TM9SF2: variants seen among roughly 807,000 people sequenced by gnomAD.
TM9SF2 encodes 76 kDa membrane protein.
Under a neutral mutation model 84.9 loss-of-function variants are expected in TM9SF2, and 13 were observed. The ratio of observed to expected loss-of-function variants is 0.15; its 90% CI spans 0.10 to 0.24. The LOEUF is 0.24. Ranked by LOEUF, TM9SF2 falls within the 10% of genes least tolerant of loss-of-function variation. The probability of loss-of-function intolerance (pLI) is 1.00; values close to 1 mark genes in which losing one functional copy is unlikely to be tolerated. For synonymous variants in TM9SF2, 273 were observed against 285.8 expected, an observed-to-expected ratio of 0.96 and a Z score of 0.45; for missense variants, 562 against 818.5, an observed-to-expected ratio of 0.69 and a Z score of 3.82.
chr13:99,508,404 AACAC>A (rs61561266), intron 1 of TM9SF2, among the ~76,000 whole-genome samples: 12,436 of 134,418 alleles, frequency 0.093, 724 homozygotes, highest in Admixed American at 0.15. Flanking sequence ...AGGCAAACAA[AACAC>A]ACACACACAC....
intron 2 of TM9SF2, among the ~76,000 whole-genome samples, chr13:99,518,046 A>T (rs1161734669): frequency 6.6e-6 from 1 of 152,222 alleles, no homozygotes; most frequent in African/African-American, 2.4e-5. Context: ...CTGAATAAAT[A>T]GTCTAATCTA....
At chr13:99,522,125 A>G (rs1317071781) in intron 3 of TM9SF2, among the ~76,000 whole-genome samples, 3 of 152,088 alleles carry the variant, frequency 2.0e-5, no homozygotes, top group Non-Finnish European at 2.9e-5. Flanking sequence ...GGTTCAAGTG[A>G]TTCTCCTGCC....
intron 2 of TM9SF2, among the ~76,000 whole-genome samples, chr13:99,518,763 ATTTTT>A (rs34847688): frequency 1.5e-4 from 19 of 128,628 alleles, no homozygotes; most frequent in African/African-American, 4.9e-4. Context: ...TGCCCAGCTA[ATTTTT>A]TTTTTTTTTT....
At chr13:99,520,210 C>T (rs2046153411) in intron 3 of TM9SF2, 81 bp downstream of exon 3, 2 of 1,187,312 alleles carry the variant, frequency 1.7e-6, no homozygotes, top group East Asian at 5.0e-5. Flanking sequence ...GATAACTCAG[C>T]TATCATTGCT....
intron 4 of TM9SF2, among the ~76,000 whole-genome samples, chr13:99,530,010 T>TA (rs1193675539): frequency 6.6e-6 from 1 of 152,118 alleles, no homozygotes; most frequent in Non-Finnish European, 1.5e-5. Context: ...TATAGTCTAT[T>TA]AAGTGTGCAA....
rs1347767986 is a variant in TM9SF2 at position 99,516,679 on chromosome 13, C to T, written c.172-935C>T. On this transcript the variant is annotated intron_variant, in intron 1 of 16. Transcript: ENST00000376387. The stretch of plus-strand genomic sequence containing the variant: ...GGAAGTTGATACAGCTTATCTCCCT[C>T]TACCCTGTTGTTGAGCTTGATCTGG... Among the ~76,000 whole-genome samples the T allele has an allele frequency of 2.6e-5, 4 of 152,210 alleles. No individual in the cohort carries two copies. The East Asian group carries it at 7.7e-4, about 29-fold the overall frequency.
intron 4 of TM9SF2, among the ~76,000 whole-genome samples, chr13:99,535,747 A>G (rs1441307879): frequency 6.6e-6 from 1 of 152,170 alleles, no homozygotes; most frequent in African/African-American, 2.4e-5. Flanking sequence ...GTGTCGTCTT[A>G]TGACTGTAAT....
At chr13:99,506,734 A>G (rs1272024128) in intron 1 of TM9SF2, among the ~76,000 whole-genome samples, 1 of 152,162 alleles carries the variant, frequency 6.6e-6, no homozygotes, top group East Asian at 1.9e-4. Context: ...TCACAGATAT[A>G]TGTTCCACAC....
chr13:99,511,382 G>A (rs1191989384), intron 1 of TM9SF2, among the ~76,000 whole-genome samples: 2 of 152,092 alleles, frequency 1.3e-5, no homozygotes, highest in South Asian at 2.1e-4. Context: ...TAAACTCCCC[G>A]GCAGTCTCAT....
At chr13:99,510,153 A>G (rs545971185) in intron 1 of TM9SF2, among the ~76,000 whole-genome samples, 3 of 152,304 alleles carry the variant, frequency 2.0e-5, no homozygotes, top group African/African-American at 7.2e-5. Context: ...AGTTCCCAGT[A>G]ACCTTCTCAT....
In TM9SF2 at chr13:99,547,028, G is replaced by A. The variant is rs770937033; in HGVS notation, c.1194G>A (p.Ala398=). 6 of 1,614,164 alleles carry A rather than the reference G, an allele frequency of 3.7e-6. No homozygotes were observed. The highest frequency in any genetic ancestry group is 2.2e-5 in the East Asian group (1 of 44,890). The part of the protein sequence containing the change: ...LGFLSPANRG[A]LMTCAVVLWV... ...TTTTGTCACCTGCCAACCGAGGAGCGCTGATGACGTGTGCTGTGGTCCTGT... is the reference window on the plus strand; with the variant it reads ...TTTTGTCACCTGCCAACCGAGGAGCACTGATGACGTGTGCTGTGGTCCTGT... The change falls in exon 11 of 17, where the codon GCG becomes GCA. Residue 398 remains alanine (A), a synonymous_variant. Coordinates refer to ENST00000376387, the MANE Select transcript of TM9SF2 (RefSeq NM_004800.3).
At chr13:99,516,377 A>G (rs931289431) in intron 1 of TM9SF2, among the ~76,000 whole-genome samples, 2 of 152,220 alleles carry the variant, frequency 1.3e-5, no homozygotes, top group Admixed American at 1.3e-4. Flanking sequence ...AAGCCTCATG[A>G]CTAGTCCAAA....
chr13:99,552,596 C>G, intron 13 of TM9SF2, among the ~76,000 whole-genome samples: 1 of 151,720 alleles, frequency 6.6e-6, no homozygotes, highest in South Asian at 2.1e-4. Flanking sequence ...TGAAAACATT[C>G]ATTCATTCAT....
intron 1 of TM9SF2, among the ~76,000 whole-genome samples, chr13:99,506,716 G>A (rs755361388): frequency 1.3e-5 from 2 of 152,150 alleles, no homozygotes; most frequent in African/African-American, 2.4e-5. Flanking sequence ...TGGAACGTCT[G>A]AAACAAATCA....
chr13:99,522,424 T>C (rs1020084435), intron 3 of TM9SF2, among the ~76,000 whole-genome samples: 3 of 152,170 alleles, frequency 2.0e-5, no homozygotes, highest in African/African-American at 4.8e-5. Context: ...ATGAAGTCAT[T>C]GAGGAGGAAG....
At chr13:99,508,444 C>CACA (rs1555339315) in intron 1 of TM9SF2, among the ~76,000 whole-genome samples, 2 of 143,620 alleles carry the variant, frequency 1.4e-5, no homozygotes, top group African/African-American at 2.6e-5. Context: ...CACACACACA[C>CACA]CCCAGAGATT....
At chr13:99,543,533 G>T (rs139402014) in intron 9 of TM9SF2, among the ~76,000 whole-genome samples, 68 of 152,342 alleles carry the variant, frequency 4.5e-4, no homozygotes, top group Middle Eastern at 3.4e-3. Context: ...AGGATAGAAT[G>T]TGACTAAAAA....
At chr13:99,557,602 T>G (rs2046329621) in intron 15 of TM9SF2, among the ~76,000 whole-genome samples, 1 of 152,328 alleles carries the variant, frequency 6.6e-6, no homozygotes, top group South Asian at 2.1e-4. Context: ...AAATTAGGGC[T>G]GAGTGTGGTG....
intron 1 of TM9SF2, among the ~76,000 whole-genome samples, chr13:99,502,464 G>A (rs1460013557): frequency 1.3e-5 from 2 of 152,168 alleles, no homozygotes; most frequent in East Asian, 3.9e-4. Flanking sequence ...CACAAAAAAA[G>A]ATACGAGGTC....
Sources: allele counts gnomAD v4.1 joint callset (sites outside exome capture counted in the v4.1 genomes callset), GRCh38; gene constraint gnomAD v4.1.1; transcripts MANE v1.5; gene names NCBI Gene and HGNC (gene_info 2026-07-23, HGNC 2026-07-21).